EPHA3: variants seen among roughly 807,000 people sequenced by gnomAD.
EPHA3 encodes EPH receptor A3.
EPHA3 carries 42 observed loss-of-function variants against 107.1 expected under a neutral mutation model. The ratio of observed to expected loss-of-function variants is 0.39; its 90% CI spans 0.31 to 0.51. EPHA3 has a LOEUF of 0.51. Among genes scored for constraint, EPHA3 ranks in the 20% least tolerant of loss-of-function variants. EPHA3 has a pLI of 0.78. For synonymous variants in EPHA3, 461 were observed against 424.8 expected, an observed-to-expected ratio of 1.09 and a Z score of -1.05; for missense variants, 1,183 against 1,211.2, an observed-to-expected ratio of 0.98 and a Z score of 0.35.
At chr3:89,420,868 T>C (rs1488527666) in intron 11 of EPHA3, among the ~76,000 whole-genome samples, 1 of 151,554 alleles carries the variant, frequency 6.6e-6, no homozygotes, top group Non-Finnish European at 1.5e-5. Flanking sequence ...TTTTTCATTA[T>C]GAAGTATCTG....
intron 5 of EPHA3, among the ~76,000 whole-genome samples, chr3:89,395,425 T>C (rs1007225411): frequency 6.6e-6 from 1 of 152,194 alleles, no homozygotes; most frequent in African/African-American, 2.4e-5. Flanking sequence ...TATGAAAATG[T>C]TATCAATGAG....
chr3:89,158,449 C>T (rs1704852751), intron 2 of EPHA3, among the ~76,000 whole-genome samples: 3 of 151,960 alleles, frequency 2.0e-5, no homozygotes, highest in Non-Finnish European at 4.4e-5. Context: ...AAAGAATATG[C>T]AAAGTATTGG....
At chr3:89,155,292 A>C (rs1459948885) in intron 2 of EPHA3, among the ~76,000 whole-genome samples, 1 of 152,014 alleles carries the variant, frequency 6.6e-6, no homozygotes, top group East Asian at 1.9e-4. Flanking sequence ...TGCGTCATTT[A>C]AAACAAACTT....
At chr3:89,313,288 T>G (rs1706809793) in intron 3 of EPHA3, among the ~76,000 whole-genome samples, 1 of 151,980 alleles carries the variant, frequency 6.6e-6, no homozygotes, top group Non-Finnish European at 1.5e-5. Context: ...AAATTTAATC[T>G]GACAAATTCT....
chr3:89,209,452 A>G (rs1048524682), intron 2 of EPHA3, among the ~76,000 whole-genome samples: 4 of 152,126 alleles, frequency 2.6e-5, no homozygotes, highest in African/African-American at 9.7e-5. Context: ...ACCTGGCACA[A>G]ATTGGGAAAA....
At chr3:89,264,600 A>G (rs1396690021) in intron 3 of EPHA3, among the ~76,000 whole-genome samples, 1 of 152,184 alleles carries the variant, frequency 6.6e-6, no homozygotes, top group Non-Finnish European at 1.5e-5. Flanking sequence ...TAGAAATTAT[A>G]AAGTTGAGTA....
intron 3 of EPHA3, among the ~76,000 whole-genome samples, chr3:89,318,782 C>A (rs1706972063): frequency 6.6e-6 from 1 of 151,840 alleles, no homozygotes; most frequent in Non-Finnish European, 1.5e-5. Context: ...AATCACAAGA[C>A]TTGATATTAG....
At chr3:89,149,223 T>C (rs925185810) in intron 2 of EPHA3, among the ~76,000 whole-genome samples, 5 of 152,028 alleles carry the variant, frequency 3.3e-5, no homozygotes, top group South Asian at 2.1e-4. Context: ...TTGAAAAATA[T>C]TTTCTTAGTC....
chr3:89,208,050 T>C (rs1439632511), intron 2 of EPHA3, among the ~76,000 whole-genome samples: 1 of 152,098 alleles, frequency 6.6e-6, no homozygotes, highest in East Asian at 1.9e-4. Flanking sequence ...GGCAGAAGAA[T>C]GCACAGTCCC....
intron 13 of EPHA3, among the ~76,000 whole-genome samples, chr3:89,432,078 G>A (rs908256313): frequency 1.3e-5 from 2 of 151,804 alleles, no homozygotes; most frequent in Non-Finnish European, 2.9e-5. Flanking sequence ...TAATTAGTGA[G>A]CAAATTATTA....
intron 4 of EPHA3, 27 bp from the exon 5 acceptor site, chr3:89,341,728 A>G (rs773120238): frequency 1.3e-6 from 2 of 1,551,392 alleles, no homozygotes; most frequent in Non-Finnish European, 1.8e-6. Context: ...AGTGAGGCTC[A>G]TTAATCTTTG....
chr3:89,323,299 A>G (rs1219464054), intron 3 of EPHA3, among the ~76,000 whole-genome samples: 1 of 152,114 alleles, frequency 6.6e-6, no homozygotes, highest in Non-Finnish European at 1.5e-5. Flanking sequence ...ACAAAATCCT[A>G]TTATAAAGTT....
intron 2 of EPHA3, among the ~76,000 whole-genome samples, chr3:89,180,039 G>A (rs572598143): frequency 5.6e-4 from 85 of 151,794 alleles, no homozygotes; most frequent in Non-Finnish European, 8.4e-4. Flanking sequence ...TGTTATAAAA[G>A]GTTAAAACAA....
intron 5 of EPHA3, among the ~76,000 whole-genome samples, chr3:89,346,563 T>C (rs1707660797): frequency 1.3e-5 from 2 of 149,608 alleles, no homozygotes; most frequent in South Asian, 4.2e-4. Context: ...TCCCATTTTG[T>C]AGGTTGCCTG....
chr3:89,460,286 G>A (rs968978214), intron 15 of EPHA3, among the ~76,000 whole-genome samples: 1 of 151,774 alleles, frequency 6.6e-6, no homozygotes, highest in African/African-American at 2.4e-5. Flanking sequence ...TCAAATTCTT[G>A]ACACAAAAAA....
Position 89,429,145 on chromosome 3 carries a change from G to T in EPHA3, c.2114G>T (p.Gly705Val), listed in dbSNP as rs754635213. Reference sequence around the variant, plus strand: ...ATTGTCACAGAATACATGGAGAATGGTTCCTTGGATAGTTTCCTACGTGTA... The same window carrying T: ...ATTGTCACAGAATACATGGAGAATGTTTCCTTGGATAGTTTCCTACGTGTA... ...VMIVTEYMEN[G>V]SLDSFLRKHD... is the part of the protein sequence containing the mutation. Residue 705 changes from glycine to valine, a missense_variant, in exon 12 of 17, where the codon GGT becomes GTT. Transcript: ENST00000336596. 6.2e-7 allele frequency: 1 copy of T among 1,610,860 alleles called. No homozygotes were observed. Among genetic ancestry groups the T allele is most frequent in the Non-Finnish European group, 8.5e-7 (1 of 1,177,760 alleles).
At chr3:89,323,196 T>A (rs1707082941) in intron 3 of EPHA3, among the ~76,000 whole-genome samples, 2 of 152,114 alleles carry the variant, frequency 1.3e-5, no homozygotes, top group South Asian at 4.1e-4. Flanking sequence ...ACACAATATG[T>A]AAGCATTTAT....
rs1710627636 is a variant in EPHA3 at position 89,481,958 on chromosome 3, CA to C, written c.*2457del. The C allele has an allele frequency of 4.4e-6, 1 of 225,796 alleles. No homozygotes were observed. The highest frequency in any genetic ancestry group is 5.7e-5 in the Admixed American group (1 of 17,542). The allele number at this position is 225,796 out of a possible 1,614,324, so 14.0% of individuals were successfully genotyped here. ...ATGCTGTGCTAAATATCAATCAAGC[CA>C]TGTATAAATGTGATATGATTGGCAA... On this transcript the variant is annotated 3_prime_UTR_variant, in exon 17 of 17. Coordinates refer to ENST00000336596, the MANE Select transcript of EPHA3 (RefSeq NM_005233.6).
At chr3:89,245,011 G>T (rs1459209403) in intron 3 of EPHA3, among the ~76,000 whole-genome samples, 1 of 152,076 alleles carries the variant, frequency 6.6e-6, no homozygotes, top group Non-Finnish European at 1.5e-5. Flanking sequence ...TTGCAGAAAG[G>T]GTAAGTATTG....
Sources: allele counts gnomAD v4.1 joint callset (sites outside exome capture counted in the v4.1 genomes callset), GRCh38; gene constraint gnomAD v4.1.1; transcripts MANE v1.5; gene names NCBI Gene and HGNC (gene_info 2026-07-23, HGNC 2026-07-21).